STK24: variants seen among roughly 807,000 people sequenced by gnomAD.
STK24 encodes the protein serine/threonine kinase 24, also known as serine/threonine-protein kinase 24.
Under a neutral mutation model 55.6 loss-of-function variants are expected in STK24, and 21 were observed. The ratio of observed to expected loss-of-function variants is 0.38; its 90% CI spans 0.27 to 0.54. STK24 has a LOEUF of 0.54. STK24 is among the 20% of genes least tolerant of loss of function. The pLI is 0.79. For synonymous variants in STK24, 200 were observed against 215.2 expected, an observed-to-expected ratio of 0.93 and a Z score of 0.62; for missense variants, 383 against 538.4, an observed-to-expected ratio of 0.71 and a Z score of 2.86.
Position 98,461,900 on chromosome 13 carries a change from T to G in STK24, c.930-3A>C. ...CCGAGGCTTGGCCATCTGTTTCCCT[T>G]AACACAGAAATGCAGGAAATCCCAT... On this transcript the variant is annotated splice_polypyrimidine_tract_variant and splice_region_variant and intron_variant, in intron 7 of 10. Transcript: ENST00000539966. The G allele has an allele frequency of 6.2e-7, 1 of 1,613,644 alleles. No individual in the cohort carries two copies. The highest frequency in any genetic ancestry group is 8.5e-7 in the Non-Finnish European group (1 of 1,179,706).
At chr13:98,457,684 G>C (rs1338644703) in intron 9 of STK24, among the ~76,000 whole-genome samples, 1 of 152,096 alleles carries the variant, frequency 6.6e-6, no homozygotes, top group Non-Finnish European at 1.5e-5. Context: ...TGGCCAGGCT[G>C]GTCTTGAACT....
At chr13:98,518,493 C>G (rs912190015) in intron 2 of STK24, among the ~76,000 whole-genome samples, 1 of 152,142 alleles carries the variant, frequency 6.6e-6, no homozygotes, top group Non-Finnish European at 1.5e-5. Context: ...CTTATGATTT[C>G]TAAAACCCCA....
chr13:98,535,553 G>C (rs1566392347), intron 1 of STK24, among the ~76,000 whole-genome samples: 1 of 152,116 alleles, frequency 6.6e-6, no homozygotes, highest in East Asian at 1.9e-4. Flanking sequence ...CAAATAAACA[G>C]TAACAAACAG....
chr13:98,568,063 G>A (rs542105439), intron 1 of STK24, among the ~76,000 whole-genome samples: 12 of 151,418 alleles, frequency 7.9e-5, no homozygotes, highest in African/African-American at 2.7e-4. Context: ...GCAATGGCGC[G>A]ATCTCGGCTC....
intron 2 of STK24, among the ~76,000 whole-genome samples, chr13:98,514,220 C>T (rs1205534518): frequency 6.6e-6 from 1 of 152,250 alleles, no homozygotes; most frequent in African/African-American, 2.4e-5. Context: ...GCATCCAAGA[C>T]TGCAGATGGA....
At chr13:98,525,824 T>A (rs1425832703) in intron 1 of STK24, among the ~76,000 whole-genome samples, 2 of 152,212 alleles carry the variant, frequency 1.3e-5, no homozygotes, top group Admixed American at 6.5e-5. Flanking sequence ...AGAGTGAGGA[T>A]CCAGCACCTG....
intron 2 of STK24, among the ~76,000 whole-genome samples, chr13:98,517,478 T>C (rs1896106694): frequency 1.3e-5 from 2 of 151,850 alleles, no homozygotes; most frequent in African/African-American, 4.8e-5. Flanking sequence ...ATACAAAAAT[T>C]AGCCGGGCAC....
chr13:98,556,154 T>C (rs1897284508), intron 1 of STK24, among the ~76,000 whole-genome samples: 1 of 152,220 alleles, frequency 6.6e-6, no homozygotes, highest in Non-Finnish European at 1.5e-5. Context: ...GTCAGTCGCA[T>C]GGCCTGGATT....
chr13:98,456,410 C>T (rs377478666), intron 10 of STK24: 19 of 464,438 alleles, frequency 4.1e-5, no homozygotes, highest in African/African-American at 3.2e-4. Context: ...GGCAGCAGCA[C>T]GCCTGGTCCT....
intron 1 of STK24, among the ~76,000 whole-genome samples, chr13:98,555,590 T>A (rs113683215): frequency 0.013 from 1,906 of 150,866 alleles, 38 homozygotes; most frequent in African/African-American, 0.039. Flanking sequence ...ATAAAAAAAA[T>A]ATATAAATAA....
intron 1 of STK24, among the ~76,000 whole-genome samples, chr13:98,573,136 T>C (rs1403372624): frequency 6.6e-6 from 1 of 152,270 alleles, no homozygotes; most frequent in Non-Finnish European, 1.5e-5. Flanking sequence ...GGATGAGGGA[T>C]ACTCAACCCG....
intron 1 of STK24, among the ~76,000 whole-genome samples, chr13:98,573,302 T>C (rs1227814779): frequency 6.6e-6 from 1 of 152,258 alleles, no homozygotes; most frequent in African/African-American, 2.4e-5. Context: ...ATCACATTTC[T>C]GCAAACTCAA....
intron 1 of STK24, among the ~76,000 whole-genome samples, chr13:98,572,653 A>G (rs1897772712): frequency 6.6e-6 from 1 of 152,118 alleles, no homozygotes; most frequent in Non-Finnish European, 1.5e-5. Flanking sequence ...ATTCTCAGCA[A>G]AGGTCTATTT....
chr13:98,495,249 C>G (rs1441265981), intron 2 of STK24, among the ~76,000 whole-genome samples: 1 of 152,162 alleles, frequency 6.6e-6, no homozygotes, highest in Non-Finnish European at 1.5e-5. Context: ...AAATAAGTCT[C>G]CTTTTATTAC....
intron 1 of STK24, among the ~76,000 whole-genome samples, chr13:98,539,105 C>T (rs1203938683): frequency 3.9e-5 from 6 of 152,160 alleles, no homozygotes; most frequent in African/African-American, 4.8e-5. Flanking sequence ...CAGCCTGCTG[C>T]GCACTTTGTA....
At chr13:98,538,706 C>CTTG (rs1896802390) in intron 1 of STK24, among the ~76,000 whole-genome samples, 1 of 152,044 alleles carries the variant, frequency 6.6e-6, no homozygotes, top group Admixed American at 6.6e-5. Context: ...ACACACCTGC[C>CTTG]TACAAAACCA....
chr13:98,454,868 GA>G (rs1483703482), intron 10 of STK24: 6 of 152,268 alleles, frequency 3.9e-5, no homozygotes, highest in Non-Finnish European at 8.8e-5. Context: ...GAGGAGGAAA[GA>G]GGGCACTCCT....
chr13:98,448,175 AC>A lies in STK24; in HGVS notation c.*4997del, dbSNP rs563965295. ...CCTTGTGTTTCTGTAAGCGATGCCC[AC>A]CAAAGTGTCAGGAGTCCGTCCAAAC... On this transcript the variant is annotated 3_prime_UTR_variant, in exon 11 of 11. Coordinates refer to ENST00000539966, the MANE Select transcript of STK24 (RefSeq NM_001032296.4). The A allele has an allele frequency of 3.6e-4, 515 of 1,415,734 alleles. No homozygotes were observed. The African/African-American group carries it at 4.6e-3, about 13-fold the overall frequency. The allele number at this position is 1,415,734 out of a possible 1,614,324, so 87.7% of individuals were successfully genotyped here.
At chr13:98,501,351 C>T (rs954864753) in intron 2 of STK24, among the ~76,000 whole-genome samples, 8 of 152,126 alleles carry the variant, frequency 5.3e-5, no homozygotes, top group African/African-American at 4.8e-5. Context: ...TCCTCTTCCT[C>T]GGCTAGCCAG....
Sources: allele counts gnomAD v4.1 joint callset (sites outside exome capture counted in the v4.1 genomes callset), GRCh38; gene constraint gnomAD v4.1.1; transcripts MANE v1.5; gene names NCBI Gene and HGNC (gene_info 2026-07-23, HGNC 2026-07-21).